PTPN3: variants seen among roughly 807,000 people sequenced by gnomAD.
PTPN3 encodes the protein tyrosine-protein phosphatase non-receptor type 3.
In PTPN3, 96 loss-of-function variants were observed where a neutral mutation model predicts 132.7. The ratio of observed to expected loss-of-function variants is 0.72; its 90% CI spans 0.61 to 0.86. The LOEUF (loss-of-function observed/expected upper bound fraction) is 0.86. Among genes scored for constraint, PTPN3 ranks in the 40% least tolerant of loss-of-function variants. PTPN3 has a pLI of 0.00. For missense variants in PTPN3, 1,125 were observed against 1,159.6 expected, an observed-to-expected ratio of 0.97 and a Z score of 0.43; for synonymous variants, 398 against 429.0, an observed-to-expected ratio of 0.93 and a Z score of 0.89.
the PTPN3 span, among the ~76,000 whole-genome samples, chr9:109,504,015 G>A: frequency 6.6e-6 from 1 of 152,208 alleles, no homozygotes. Context: ...AAAGAGCAGG[G>A]TAAGTATAGT....
chr9:109,506,544 C>T, the PTPN3 span, among the ~76,000 whole-genome samples: 2 of 149,692 alleles, frequency 1.3e-5, no homozygotes, highest in African/African-American at 4.9e-5. Flanking sequence ...CCCTCCTTTC[C>T]TCCCTTCCTC....
chr9:109,501,788 T>A (rs1195267251), upstream of PTPN3, among the ~76,000 whole-genome samples: 3 of 152,216 alleles, frequency 2.0e-5, no homozygotes, highest in East Asian at 5.8e-4. Context: ...TCTCTGGGCA[T>A]TCACTTTGGA....
intron 1 of PTPN3, among the ~76,000 whole-genome samples, chr9:109,470,300 C>G (rs990946192): frequency 1.3e-5 from 2 of 152,128 alleles, no homozygotes; most frequent in Non-Finnish European, 2.9e-5. Context: ...TATGTGGTAT[C>G]GAGTTCTTTG....
upstream of PTPN3, among the ~76,000 whole-genome samples, chr9:109,500,679 C>T (rs1463079168): frequency 6.6e-6 from 1 of 150,856 alleles, no homozygotes; most frequent in Non-Finnish European, 1.5e-5. Flanking sequence ...GCCTGTAATC[C>T]CAGCACTTTG....
intron 10 of PTPN3, chr9:109,428,886 C>T (rs572493434): frequency 6.6e-5 from 65 of 985,272 alleles, no homozygotes; most frequent in Non-Finnish European, 7.6e-5. Context: ...CTGAGCACTG[C>T]GTAAGGGCCA....
At chr9:109,520,275 A>G in the PTPN3 span, among the ~76,000 whole-genome samples, 1 of 152,180 alleles carries the variant, frequency 6.6e-6, no homozygotes, top group Non-Finnish European at 1.5e-5. Flanking sequence ...ACTTGACTCC[A>G]ATTTCAGATT....
At chr9:109,423,724 C>G (rs1204559553) in intron 12 of PTPN3, among the ~76,000 whole-genome samples, 1 of 152,144 alleles carries the variant, frequency 6.6e-6, no homozygotes, top group Non-Finnish European at 1.5e-5. Flanking sequence ...CTAGACCCCT[C>G]AGAGAATGAA....
At chr9:109,502,989 G>T (rs1371572570), upstream of PTPN3, among the ~76,000 whole-genome samples, 1 of 152,164 alleles carries the variant, frequency 6.6e-6, no homozygotes, top group African/African-American at 2.4e-5. Context: ...CAAATTAGGA[G>T]AATTTCAAGT....
At chr9:109,410,643 G>A (rs995606044) in intron 14 of PTPN3, among the ~76,000 whole-genome samples, 1 of 152,144 alleles carries the variant, frequency 6.6e-6, no homozygotes, top group African/African-American at 2.4e-5. Flanking sequence ...AGGAGGCAGG[G>A]TGGATCTGGA....
chr9:109,423,571 A>G (rs930462882), intron 12 of PTPN3, among the ~76,000 whole-genome samples: 1 of 152,152 alleles, frequency 6.6e-6, no homozygotes, highest in Non-Finnish European at 1.5e-5. Context: ...GCACCACTGC[A>G]CTCCAGTCTG....
chr9:109,431,327 G>A (rs1305011977), intron 10 of PTPN3, among the ~76,000 whole-genome samples: 1 of 152,224 alleles, frequency 6.6e-6, no homozygotes, highest in Non-Finnish European at 1.5e-5. Flanking sequence ...CCTTGTCTGT[G>A]GGCCCTTAGG....
chr9:109,515,512 C>T, the PTPN3 span, among the ~76,000 whole-genome samples: 2 of 152,154 alleles, frequency 1.3e-5, no homozygotes, highest in Admixed American at 6.5e-5. Flanking sequence ...TTCCTTGCAG[C>T]CCGAAAGAGC....
intron 1 of PTPN3, among the ~76,000 whole-genome samples, chr9:109,467,869 C>A (rs1274803166): frequency 6.6e-6 from 1 of 152,146 alleles, no homozygotes; most frequent in Non-Finnish European, 1.5e-5. Context: ...GACAGACTTC[C>A]CTTTCTCACA....
rs143070545 is a variant in PTPN3, at chr9:109,450,591, C to A, written c.369-1736G>T. 272 of 984,866 alleles carry A rather than the reference C, an allele frequency of 2.8e-4. 2 individuals are homozygous for A. The African/African-American group carries it at 3.7e-3, about 13-fold the overall frequency. The allele number at this position is 984,866 out of a possible 1,614,324, so 61.0% of individuals were successfully genotyped here. ...AAGAAACTAGAATAGTGGAACCCAA[C>A]CCGAGCTTGGGAGACTTCCTAGGAA... is the stretch of plus-strand genomic sequence containing the variant. On this transcript the variant is annotated intron_variant, in intron 5 of 25. Coordinates refer to ENST00000374541, the MANE Select transcript of PTPN3 (RefSeq NM_002829.4).
intron 14 of PTPN3, among the ~76,000 whole-genome samples, chr9:109,416,231 C>T (rs1842474747): frequency 6.6e-6 from 1 of 152,104 alleles, no homozygotes; most frequent in Admixed American, 6.6e-5. Context: ...AACCTTGATG[C>T]TGGGTCAGCG....
rs367560460 is a variant in PTPN3, at chr9:109,420,412, C to A, written c.1313+12G>T. 6.3e-7 allele frequency: 1 copy of A among 1,579,614 alleles called. No homozygotes were observed. The highest frequency in any genetic ancestry group is 1.1e-5 in the South Asian group (1 of 87,800). ...GCAAATACCCAGAAATAAAACAACA[C>A]GAGTTTCTTACTCTTGGTGCGGGCT... On this transcript the variant is annotated intron_variant, in intron 14 of 25. Coordinates refer to ENST00000374541, the MANE Select transcript of PTPN3 (RefSeq NM_002829.4).
At chr9:109,381,868 T>A in intron 24 of PTPN3, 81 bp from the exon 25 acceptor site, 2 of 1,532,596 alleles carry the variant, frequency 1.3e-6, no homozygotes. Flanking sequence ...CCCCGCTGAC[T>A]CCAAAGGGGC....
chr9:109,533,545 C>T, the PTPN3 span: 3 of 1,600,304 alleles, frequency 1.9e-6, no homozygotes, highest in Middle Eastern at 2.2e-4. Flanking sequence ...TTTCTTTATC[C>T]TCTTCATTGC....
chr9:109,506,522 T>TCCTTCCTACCTCCCTCCTTTCCTC, the PTPN3 span, among the ~76,000 whole-genome samples: 1 of 150,920 alleles, frequency 6.6e-6, no homozygotes, highest in Non-Finnish European at 1.5e-5. Flanking sequence ...CTTCTTTCCT[T>TCCTTCCTACCTCCCTCCTTTCCTC]CCTTCCTCCC....
Sources: gnomAD v4.1 joint callset for allele counts (sites outside exome capture counted in the v4.1 genomes callset) on GRCh38, gnomAD v4.1.1 for gene constraint, MANE v1.5 for transcripts, NCBI Gene and HGNC (gene_info 2026-07-23, HGNC 2026-07-21) for gene names.